CCDC102B: variants seen among roughly 807,000 people sequenced by gnomAD.
The protein encoded by CCDC102B is coiled-coil domain-containing protein 102B.
A neutral mutation model predicts 57.4 loss-of-function variants in CCDC102B; 75 were observed. The observed-to-expected ratio is 1.31, with a 90% CI of 1.08 to 1.58. CCDC102B has a LOEUF of 1.58. Among genes scored for constraint, CCDC102B ranks in the 40% most tolerant of loss-of-function variants. The probability of loss-of-function intolerance (pLI) is 0.00; values close to 1 mark genes in which losing one functional copy is unlikely to be tolerated. For synonymous variants in CCDC102B, 206 were observed against 201.9 expected, an observed-to-expected ratio of 1.02 and a Z score of -0.17; for missense variants, 636 against 582.6, an observed-to-expected ratio of 1.09 and a Z score of -0.94.
intron 7 of CCDC102B, among the ~76,000 whole-genome samples, chr18:69,033,630 T>C (rs2052208086): frequency 6.6e-6 from 1 of 152,110 alleles, no homozygotes; most frequent in Admixed American, 6.6e-5. Flanking sequence ...CTTCAGTCTT[T>C]GTATGGTTCA....
chr18:68,880,368 G>A lies in CCDC102B; in HGVS notation c.1053+5583G>A, dbSNP rs558579947. Among the ~76,000 whole-genome samples the A allele has an allele frequency of 4.6e-3, 700 of 152,306 alleles. 2 individuals carry two copies. Among genetic ancestry groups the A allele is most frequent in the Non-Finnish European group, 5.4e-3 (365 of 68,028 alleles). On this transcript the variant is annotated intron_variant, in intron 5 of 7. Coordinates refer to ENST00000360242, the MANE Select transcript of CCDC102B (RefSeq NM_024781.3). ...CCGCGCGCAGCCCCGGTTCCTGCTC[G>A]TGCCTCTCCCTCCACACCTCCCTGC...
intron 2 of CCDC102B, among the ~76,000 whole-genome samples, chr18:68,789,181 G>A (rs1599462545): frequency 1.3e-5 from 2 of 152,172 alleles, no homozygotes; most frequent in East Asian, 1.9e-4. Context: ...GGCTTGTAGC[G>A]TTTCTGCCGA....
upstream of CCDC102B, among the ~76,000 whole-genome samples, chr18:68,796,052 A>T (rs2035618298): frequency 6.6e-6 from 1 of 152,156 alleles, no homozygotes; most frequent in Non-Finnish European, 1.5e-5. Context: ...AGTTGACAAA[A>T]AGATTAAAAA....
intron 7 of CCDC102B, among the ~76,000 whole-genome samples, chr18:69,016,933 A>T (rs2051685260): frequency 2.0e-5 from 3 of 152,166 alleles, no homozygotes; most frequent in Non-Finnish European, 4.4e-5. Flanking sequence ...ATGATAGGTC[A>T]AATTGTGGAA....
intron 1 of CCDC102B, among the ~76,000 whole-genome samples, chr18:68,829,374 C>T (rs2037051223): frequency 1.3e-5 from 2 of 151,936 alleles, no homozygotes; most frequent in Admixed American, 1.3e-4. Flanking sequence ...CTTCTGAATC[C>T]AGTTTTTTCT....
At chr18:68,738,993 C>CTTTTTTTTTTTTTTTTTTTTTTTT (rs201214278) in intron 2 of CCDC102B, among the ~76,000 whole-genome samples, 40 of 145,016 alleles carry the variant, frequency 2.8e-4, no homozygotes, top group South Asian at 9.0e-4. Context: ...GATGAGCAGC[C>CTTTTTTTTTTTTTTTTTTTTTTTT]TTTTGTTTTT....
At chr18:68,833,296 T>C (rs1308252269) in intron 1 of CCDC102B, among the ~76,000 whole-genome samples, 2 of 152,196 alleles carry the variant, frequency 1.3e-5, no homozygotes, top group East Asian at 3.9e-4. Flanking sequence ...TTCCACTGAT[T>C]GATATCAACA....
intron 6 of CCDC102B, among the ~76,000 whole-genome samples, chr18:68,931,145 G>A (rs1277179348): frequency 6.6e-6 from 1 of 151,556 alleles, no homozygotes; most frequent in Non-Finnish European, 1.5e-5. Flanking sequence ...TTTTTTTCAA[G>A]GCAAATATGA....
intron 1 of CCDC102B, among the ~76,000 whole-genome samples, chr18:68,817,842 T>C (rs2036544392): frequency 6.6e-6 from 1 of 152,146 alleles, no homozygotes; most frequent in South Asian, 2.1e-4. Context: ...TCTCCTTATC[T>C]GAACATAATT....
At chr18:69,047,016 A>C (rs1352695351) in intron 7 of CCDC102B, among the ~76,000 whole-genome samples, 1 of 152,058 alleles carries the variant, frequency 6.6e-6, no homozygotes, top group Non-Finnish European at 1.5e-5. Context: ...GTATAGTTTG[A>C]AGTTGGGTAA....
chr18:69,030,170 T>C, intron 7 of CCDC102B, among the ~76,000 whole-genome samples: 1 of 152,196 alleles, frequency 6.6e-6, no homozygotes, highest in East Asian at 1.9e-4. Flanking sequence ...AACTTATTTT[T>C]TCCTTGAAAA....
At chr18:68,802,620 T>TTCAGTA (rs2144687567) in intron 1 of CCDC102B, among the ~76,000 whole-genome samples, 1 of 152,362 alleles carries the variant, frequency 6.6e-6, no homozygotes, top group African/African-American at 2.4e-5. Context: ...GCATAGGTAC[T>TTCAGTA]GAATGCAAAG....
At chr18:68,866,450 T>C (rs937636148) in intron 4 of CCDC102B, 1 of 152,950 alleles carries the variant, frequency 6.5e-6, no homozygotes, top group African/African-American at 2.4e-5. Context: ...TTGCTTATAG[T>C]AAAGTGTGAT....
intron 2 of CCDC102B, among the ~76,000 whole-genome samples, chr18:68,781,705 T>C (rs563992926): frequency 6.6e-6 from 1 of 152,322 alleles, no homozygotes; most frequent in East Asian, 1.9e-4. Flanking sequence ...ATTATTTTGT[T>C]ATTTTAAAAA....
intron 7 of CCDC102B, among the ~76,000 whole-genome samples, chr18:69,020,279 A>G (rs984444051): frequency 7.2e-5 from 11 of 152,138 alleles, no homozygotes; most frequent in African/African-American, 2.7e-4. Context: ...TATTTTGAGT[A>G]AGAGGAAGAA....
At chr18:68,870,440 G>A (rs759312049) in intron 4 of CCDC102B, among the ~76,000 whole-genome samples, 6 of 152,076 alleles carry the variant, frequency 3.9e-5, no homozygotes, top group Non-Finnish European at 8.8e-5. Flanking sequence ...GGAAAGTATC[G>A]AGCAATTAAA....
intron 7 of CCDC102B, among the ~76,000 whole-genome samples, chr18:69,042,023 C>T (rs1441872778): frequency 6.6e-6 from 1 of 151,936 alleles, no homozygotes; most frequent in African/African-American, 2.4e-5. Flanking sequence ...CAAGGGTGTC[C>T]TCTGACTTAT....
At chr18:68,920,327 A>G (rs1479866156) in intron 6 of CCDC102B, among the ~76,000 whole-genome samples, 6 of 152,188 alleles carry the variant, frequency 3.9e-5, no homozygotes, top group Non-Finnish European at 2.9e-5. Flanking sequence ...ACAGACCCAT[A>G]GGCCAATGGA....
At chr18:68,903,063 G>A (rs1258035535) in intron 6 of CCDC102B, among the ~76,000 whole-genome samples, 1 of 152,140 alleles carries the variant, frequency 6.6e-6, no homozygotes, top group African/African-American at 2.4e-5. Flanking sequence ...AAAAATAAAG[G>A]TAAATGAGTT....
Sources: allele counts gnomAD v4.1 joint callset (sites outside exome capture counted in the v4.1 genomes callset), GRCh38; gene constraint gnomAD v4.1.1; transcripts MANE v1.5; gene names NCBI Gene and HGNC (gene_info 2026-07-23, HGNC 2026-07-21).